The following PLVAP variants were observed in gnomAD, a reference collection of about 807,000 sequenced individuals.
PLVAP encodes plasmalemma vesicle-associated protein.
Under a neutral mutation model 43.1 loss-of-function variants are expected in PLVAP, and 34 were observed. The ratio of observed to expected loss-of-function variants is 0.79; its 90% CI spans 0.60 to 1.05. The LOEUF is 1.05. Among genes scored for constraint, PLVAP ranks in the 50% least tolerant of loss-of-function variants. The pLI, the probability that PLVAP is intolerant of heterozygous loss-of-function variation, is 0.00. For missense variants in PLVAP, 574 were observed against 593.4 expected (o/e 0.97, Z 0.34); for synonymous variants, 241 against 237.3 (o/e 1.02, Z -0.14).
At chr19:17,375,496 G>A (rs956104569) in intron 1 of PLVAP, among the ~76,000 whole-genome samples, 1 of 152,100 alleles carries the variant, frequency 6.6e-6, no homozygotes. Context: ...GGTGGCTCAT[G>A]CCTGTAATCT....
intron 1 of PLVAP, among the ~76,000 whole-genome samples, chr19:17,374,286 G>A (rs1466501435): frequency 6.6e-6 from 1 of 152,160 alleles, no homozygotes; most frequent in Non-Finnish European, 1.5e-5. Context: ...CTAACACAGT[G>A]AAACCCGGTC....
intron 5 of PLVAP, among the ~76,000 whole-genome samples, chr19:17,355,528 A>G (rs980261291): frequency 1.2e-4 from 14 of 115,784 alleles, no homozygotes; most frequent in African/African-American, 1.9e-4. Context: ...ATGCCTGGTT[A>G]ATTTTTTTTT....
Position 17,360,920 on chromosome 19 carries a change from T to C in PLVAP, c.1180-88A>G, listed in dbSNP as rs888378661. 81 of 1,234,288 alleles carry C rather than the reference T, an allele frequency of 6.6e-5. No individual in the cohort carries two copies. The Admixed American group carries it at 1.3e-3, about 20-fold the overall frequency. The allele number at this position is 1,234,288 out of a possible 1,614,324, so 76.5% of individuals were successfully genotyped here. A position where few individuals can be genotyped will look rare whatever the true frequency, so the allele number is the denominator to read the frequency against. Reference sequence around the variant, plus strand: ...TTTCTTTTCTTTTCTTTTTCTTTTTTTTTTTTTTTTTGAGACGGAGTTTCG... The same window carrying C: ...TTTCTTTTCTTTTCTTTTTCTTTTTCTTTTTTTTTTTGAGACGGAGTTTCG... On this transcript the variant is annotated intron_variant, in intron 3 of 5. Coordinates refer to ENST00000252590, the MANE Select transcript of PLVAP (RefSeq NM_031310.3).
At chr19:17,366,445 C>T (rs551245840) in intron 1 of PLVAP, among the ~76,000 whole-genome samples, 1 of 152,068 alleles carries the variant, frequency 6.6e-6, no homozygotes, top group South Asian at 2.1e-4. Context: ...TAGTGAGACT[C>T]CCATCTCAAT....
intron 1 of PLVAP, 51 bp downstream of exon 1, chr19:17,376,869 G>T: frequency 6.5e-7 from 1 of 1,537,060 alleles, no homozygotes; most frequent in Non-Finnish European, 8.8e-7. Flanking sequence ...TCAGAGAGGT[G>T]AGGGGGCTTG....
At chr19:17,362,856 G>A (rs1052485087) in intron 3 of PLVAP, 2 of 152,134 alleles carry the variant, frequency 1.3e-5, no homozygotes, top group Non-Finnish European at 2.9e-5. Context: ...ACTCATCTCA[G>A]CCCAACTTAA....
At position 17,360,571 on chromosome 19, in the gene PLVAP, C is replaced by T. The variant is rs757225901; in HGVS notation, c.1279G>A (p.Glu427Lys). The T allele has an allele frequency of 2.5e-6, 4 of 1,613,778 alleles. No homozygotes were observed. Among genetic ancestry groups the T allele is most frequent in the Admixed American group, 3.3e-5 (2 of 59,948 alleles). The change falls in exon 5 of 6, where the codon GAG (glutamate) becomes AAG (lysine). Residue 427 changes from glutamate (E) to lysine (K), a missense_variant. Transcript: ENST00000252590. ...ATGCCTGCAGGGGGCCTCTGGGACT[C>T]CAGGATCTTCCTCTTGAACTCCTCC... ...SLEEFKRKIL[E>K]SQRPPAGIPV...
intron 3 of PLVAP, among the ~76,000 whole-genome samples, chr19:17,363,155 T>G (rs1357998031): frequency 3.3e-5 from 5 of 152,196 alleles, no homozygotes; most frequent in Non-Finnish European, 7.4e-5. Flanking sequence ...TATTGCATGA[T>G]GCAGAGGTTT....
At chr19:17,362,862 C>T (rs910796900) in intron 3 of PLVAP, 3 of 152,280 alleles carry the variant, frequency 2.0e-5, no homozygotes, top group Non-Finnish European at 2.9e-5. Context: ...CTCAGCCCAA[C>T]TTAAACACGA....
chr19:17,360,305 A>T (rs1367270211), intron 5 of PLVAP, among the ~76,000 whole-genome samples: 1 of 152,190 alleles, frequency 6.6e-6, no homozygotes, highest in Non-Finnish European at 1.5e-5. Flanking sequence ...TCCCATCATG[A>T]CACTGTCTAA....
intron 1 of PLVAP, among the ~76,000 whole-genome samples, chr19:17,371,876 A>G (rs2074573424): frequency 6.6e-6 from 1 of 152,162 alleles, no homozygotes; most frequent in Non-Finnish European, 1.5e-5. Flanking sequence ...GAAATATAAT[A>G]AGACATGAAG....
chr19:17,371,544 T>C (rs10423801), intron 1 of PLVAP, among the ~76,000 whole-genome samples: 124,593 of 151,930 alleles, frequency 0.82, 51,591 homozygotes, highest in African/African-American at 0.95. Flanking sequence ...GGCTGGAGTG[T>C]GGTGGTGTGA....
chr19:17,361,240 A>G (rs1488795042), intron 3 of PLVAP, among the ~76,000 whole-genome samples: 2 of 152,052 alleles, frequency 1.3e-5, no homozygotes, highest in Admixed American at 1.3e-4. Context: ...CATGCCCTTC[A>G]AGACCATCGT....
At position 17,377,248 on chromosome 19, in the gene PLVAP, G is replaced by C; in HGVS notation, c.41C>G (p.Ala14Gly). 1.9e-6 allele frequency: 3 copies of C among 1,613,856 alleles called. No homozygotes were observed. The highest frequency in any genetic ancestry group is 2.5e-6 in the Non-Finnish European group (3 of 1,179,912). The change falls in exon 1 of 6, where the codon GCG becomes GGG. Residue 14 changes from alanine (A) to glycine (G), a missense_variant. Transcript: ENST00000252590. ...CCAGCAGCCCCGAGAGCTGCCCCCC[G>C]CCCGAGCGTAGGACCCTCCGTGCTC... Reference protein sequence around the residue: ...AMEHGGSYARAGGSSRGCWYY... With the variant: ...AMEHGGSYARGGGSSRGCWYY...
chr19:17,373,898 A>G (rs989114620), intron 1 of PLVAP, among the ~76,000 whole-genome samples: 4 of 152,132 alleles, frequency 2.6e-5, no homozygotes, highest in Non-Finnish European at 4.4e-5. Context: ...GCAATGGCTC[A>G]CTCCTGTAAT....
Position 17,365,440 on chromosome 19 carries a change from C to T in PLVAP, c.1025G>A (p.Arg342Gln), listed in dbSNP as rs201354703. ...CTCCTCCAGCGCTAGCTGGGTCTGCCGGGAGCATTCAGCTTGGAGCTTGGC... is the reference window on the plus strand; with the variant it reads ...CTCCTCCAGCGCTAGCTGGGTCTGCTGGGAGCATTCAGCTTGGAGCTTGGC... ...REAKLQAECSRQTQLALEEKA... is the reference protein window; with the variant it reads ...REAKLQAECSQQTQLALEEKA... The change falls in exon 3 of 6, where the codon CGG (arginine) becomes CAG (glutamine). Residue 342 changes from arginine (R) to glutamine (Q), a missense_variant. Arg to Gln is a conservative substitution (Grantham distance 43). Coordinates refer to ENST00000252590, the MANE Select transcript of PLVAP (RefSeq NM_031310.3). 2.4e-5 allele frequency: 38 copies of T among 1,613,042 alleles called. No homozygotes were observed. The highest frequency in any genetic ancestry group is 2.3e-4 in the Admixed American group (14 of 60,028).
rs2074524528 is a variant in PLVAP, at chr19:17,360,711, G to T, written c.1240+61C>A. 1.9e-6 allele frequency: 3 copies of T among 1,581,634 alleles called. No homozygotes were observed. The Admixed American group carries it at 5.0e-5, about 27-fold the overall frequency. On this transcript the variant is annotated intron_variant, in intron 4 of 5. Coordinates refer to ENST00000252590, the MANE Select transcript of PLVAP (RefSeq NM_031310.3). ...CCAGGGGAGTGGGAAAGTGGGGCTG[G>T]GGTGGGGTTCGAGGTGGAAAGGGGC... is the stretch of plus-strand genomic sequence containing the variant.
intron 1 of PLVAP, among the ~76,000 whole-genome samples, chr19:17,374,838 A>G (rs1272507692): frequency 7.5e-6 from 1 of 133,074 alleles, no homozygotes; most frequent in East Asian, 2.5e-4. Flanking sequence ...ATTTATTTTT[A>G]GACAGAGTCT....
chr19:17,369,565 G>T (rs186355964), intron 1 of PLVAP, among the ~76,000 whole-genome samples: 106 of 150,170 alleles, frequency 7.1e-4, no homozygotes, highest in Admixed American at 1.3e-3. Context: ...AATCCGGGAG[G>T]CGGAGGTTGC....
Sources: gnomAD v4.1 joint callset for allele counts (sites outside exome capture counted in the v4.1 genomes callset) on GRCh38, gnomAD v4.1.1 for gene constraint, MANE v1.5 for transcripts, NCBI Gene and HGNC (gene_info 2026-07-23, HGNC 2026-07-21) for gene names.